CCDC68: variants seen among roughly 807,000 people sequenced by gnomAD.
The protein encoded by CCDC68 is coiled-coil domain containing 68, also known as coiled-coil domain-containing protein 68.
Under a neutral mutation model 47.1 loss-of-function variants are expected in CCDC68, and 45 were observed. The ratio of observed to expected loss-of-function variants is 0.96; its 90% confidence interval spans 0.75 to 1.23. The LOEUF (loss-of-function observed/expected upper bound fraction) is 1.23, where lower values mean the gene tolerates loss of function less well. CCDC68 is among the 50% of genes most tolerant of loss of function. The pLI, the probability that CCDC68 is intolerant of heterozygous loss-of-function variation, is 0.00. For synonymous variants in CCDC68, 131 were observed against 129.5 expected (o/e 1.01, Z -0.08); for missense variants, 353 against 373.6 (o/e 0.94, Z 0.45).
intron 1 of CCDC68, among the ~76,000 whole-genome samples, chr18:54,946,223 T>G (rs2044523361): frequency 6.6e-6 from 1 of 152,220 alleles, no homozygotes; most frequent in South Asian, 2.1e-4. Context: ...CATGTACATA[T>G]CTTTTATGTC....
chr18:54,934,812 G>A lies in CCDC68; in HGVS notation c.600+8C>T. On this transcript the variant is annotated splice_region_variant and intron_variant, in intron 7 of 11. Transcript: ENST00000591504. ...GTAAGAAAATCCTCTAATTCTCCAG[G>A]GGCGTACCTTTTCCATTCTCTGTAC... The A allele has an allele frequency of 6.7e-7, 1 of 1,489,800 alleles. No individual in the cohort carries two copies. The highest frequency in any genetic ancestry group is 1.5e-5 in the South Asian group (1 of 66,804). 92.3% of individuals were successfully genotyped at this position (1,489,800 alleles called of 1,614,324 possible). A position where few individuals can be genotyped will look rare whatever the true frequency, so the allele number is the denominator to read the frequency against.
chr18:54,938,080 T>C lies in CCDC68; in HGVS notation c.222A>G (p.Gln74=), dbSNP rs1342808389. Residue 74 remains glutamine, a synonymous_variant, in exon 5 of 12, where the codon CAA becomes CAG. Coordinates refer to ENST00000591504, the MANE Select transcript of CCDC68 (RefSeq NM_025214.3). ...GATCCATTTCAGAATCAGAGCCCTG[T>C]TGAAGGTTTCCACAGTGCTGAAACG... ...KLDAKHCGNL[Q]QGSDSEMDPS... is the part of the protein sequence containing the mutation. 2 of 1,613,530 alleles carry C rather than the reference T, an allele frequency of 1.2e-6. No individual in the cohort carries two copies. The highest frequency in any genetic ancestry group is 8.5e-7 in the Non-Finnish European group (1 of 1,179,722).
chr18:54,905,466 A>G (rs1913949765), intron 11 of CCDC68, among the ~76,000 whole-genome samples: 1 of 139,758 alleles, frequency 7.2e-6, no homozygotes, highest in Non-Finnish European at 1.6e-5. Flanking sequence ...GTAAAAAAGA[A>G]AAAACCTTTT....
chr18:54,921,455 A>C lies in CCDC68; in HGVS notation c.684-2079T>G, dbSNP rs76192748. ...TTACAATTACAAAAGAAATTATTGT[A>C]ATCTTCCAGGACTCTAGAAAGAGAC... is the stretch of plus-strand genomic sequence containing the variant. On this transcript the variant is annotated intron_variant, in intron 8 of 11. Transcript: ENST00000591504. 4.3e-3 allele frequency among the ~76,000 whole-genome samples: 656 copies of C among 152,360 alleles called. 12 individuals are homozygous for C. The highest frequency in any genetic ancestry group is 0.015 in the African/African-American group (618 of 41,584).
Position 54,950,027 on chromosome 18 carries a change from C to T in CCDC68, c.-102-4550G>A, listed in dbSNP as rs552124114. Among the ~76,000 whole-genome samples the T allele has an allele frequency of 2.0e-5, 3 of 152,268 alleles. No individual in the cohort carries two copies. In the East Asian group the frequency reaches 5.8e-4, roughly 29 times the overall value. On this transcript the variant is annotated intron_variant, in intron 1 of 11. Coordinates refer to ENST00000591504, the MANE Select transcript of CCDC68 (RefSeq NM_025214.3). Reference sequence around the variant, plus strand: ...CGGTGTCCTAGCATATGAGATCCTCCCATTTTCCAAACCTAGTTTTTCAAC... The same window carrying T: ...CGGTGTCCTAGCATATGAGATCCTCTCATTTTCCAAACCTAGTTTTTCAAC...
chr18:54,953,026 G>A (rs1427525948), intron 1 of CCDC68, among the ~76,000 whole-genome samples: 2 of 151,836 alleles, frequency 1.3e-5, no homozygotes, highest in African/African-American at 4.8e-5. Flanking sequence ...AAAAAAAAAG[G>A]AATGTATTAC....
intron 10 of CCDC68, among the ~76,000 whole-genome samples, chr18:54,908,712 T>C (rs1476578778): frequency 6.6e-6 from 1 of 152,204 alleles, no homozygotes; most frequent in African/African-American, 2.4e-5. Context: ...TTGGTTATGA[T>C]TTTCTAGTCG....
intron 4 of CCDC68, among the ~76,000 whole-genome samples, chr18:54,940,119 C>T (rs936984617): frequency 6.6e-6 from 1 of 152,170 alleles, no homozygotes; most frequent in African/African-American, 2.4e-5. Flanking sequence ...TCTCTCCACA[C>T]TCACTCACTT....
intron 10 of CCDC68, among the ~76,000 whole-genome samples, chr18:54,914,758 G>C (rs78418127): frequency 0.03 from 4,629 of 152,250 alleles, 101 homozygotes; most frequent in Middle Eastern, 0.065. Flanking sequence ...CATGAGAGGA[G>C]AGGGACATAC....
intron 8 of CCDC68, among the ~76,000 whole-genome samples, chr18:54,927,280 C>T (rs1316089960): frequency 6.6e-6 from 1 of 152,116 alleles, no homozygotes; most frequent in Non-Finnish European, 1.5e-5. Context: ...ACCAAACATC[C>T]ATTTTTCCCA....
At chr18:54,906,446 T>C (rs1044417002) in intron 11 of CCDC68, among the ~76,000 whole-genome samples, 7 of 152,142 alleles carry the variant, frequency 4.6e-5, no homozygotes, top group Non-Finnish European at 7.3e-5. Flanking sequence ...GACCCCTATA[T>C]ACCAGCCAGA....
At chr18:54,939,389 G>A (rs1375001412) in intron 4 of CCDC68, among the ~76,000 whole-genome samples, 1 of 152,152 alleles carries the variant, frequency 6.6e-6, no homozygotes, top group Non-Finnish European at 1.5e-5. Flanking sequence ...GAACTACTGG[G>A]TGATAGAACT....
intron 10 of CCDC68, among the ~76,000 whole-genome samples, chr18:54,914,969 A>C (rs1481270275): frequency 6.6e-6 from 1 of 152,216 alleles, no homozygotes; most frequent in Admixed American, 6.5e-5. Context: ...CAATATAAAT[A>C]AATAGGCACA....
intron 10 of CCDC68, among the ~76,000 whole-genome samples, chr18:54,914,862 C>T (rs2043918742): frequency 6.6e-6 from 1 of 152,206 alleles, no homozygotes; most frequent in African/African-American, 2.4e-5. Context: ...AATACACCTT[C>T]CTTGTCTAAC....
chr18:54,917,661 A>G (rs1471434498), intron 10 of CCDC68, among the ~76,000 whole-genome samples: 1 of 152,150 alleles, frequency 6.6e-6, no homozygotes, highest in East Asian at 1.9e-4. Context: ...TCACAAAATG[A>G]CACTTGCATA....
chr18:54,907,578 T>C (rs1307928562), intron 11 of CCDC68, among the ~76,000 whole-genome samples: 1 of 152,222 alleles, frequency 6.6e-6, no homozygotes, highest in East Asian at 1.9e-4. Context: ...CTAAATTTGT[T>C]CATTAATTTA....
At chr18:54,941,805 A>T (rs1445320162) in intron 3 of CCDC68, among the ~76,000 whole-genome samples, 1 of 152,004 alleles carries the variant, frequency 6.6e-6, no homozygotes, top group Non-Finnish European at 1.5e-5. Flanking sequence ...TTATTATTAT[A>T]ATTTTTTTGA....
rs188990603 is a variant in CCDC68 at position 54,956,750 on chromosome 18, G to A, written c.-103+2586C>T. On this transcript the variant is annotated intron_variant, in intron 1 of 11. Coordinates refer to ENST00000591504, the MANE Select transcript of CCDC68 (RefSeq NM_025214.3). ...AATAGATTAGGGGTTGCTGGGGCTG[G>A]GGTAAGAACGGTGAGTGATTGCAAA... is the stretch of plus-strand genomic sequence containing the variant. Among the ~76,000 whole-genome samples, 4 of 152,324 alleles carry A rather than the reference G, an allele frequency of 2.6e-5. No homozygotes were observed. In the East Asian group the frequency reaches 7.7e-4, roughly 29 times the overall value.
At chr18:54,910,943 A>AGT in intron 10 of CCDC68, among the ~76,000 whole-genome samples, 1 of 152,290 alleles carries the variant, frequency 6.6e-6, no homozygotes, top group East Asian at 1.9e-4. Flanking sequence ...GGCCCCCAGG[A>AGT]GTGCAGGGAC....
Sources: gnomAD v4.1 joint callset for allele counts (sites outside exome capture counted in the v4.1 genomes callset) on GRCh38, gnomAD v4.1.1 for gene constraint, MANE v1.5 for transcripts, NCBI Gene and HGNC (gene_info 2026-07-23, HGNC 2026-07-21) for gene names.